The following NLE1 variants were observed in gnomAD, a reference collection of about 807,000 sequenced individuals.
NLE1 encodes notchless protein homolog 1.
In NLE1, 37 loss-of-function variants were observed where a neutral mutation model predicts 62.8. That is an observed-to-expected ratio of 0.59 (90% CI 0.45 to 0.78). NLE1 has a LOEUF of 0.78. NLE1 is among the 30% of genes least tolerant of loss of function. The probability of loss-of-function intolerance (pLI) is 0.00; values close to 1 mark genes in which losing one functional copy is unlikely to be tolerated. For missense variants in NLE1, 555 were observed against 637.9 expected, an observed-to-expected ratio of 0.87 and a Z score of 1.40; for synonymous variants, 243 against 253.0, an observed-to-expected ratio of 0.96 and a Z score of 0.37.
Position 35,133,504 on chromosome 17 carries a change from C to A in NLE1, c.1215-6G>T. 6.2e-7 allele frequency: 1 copy of A among 1,607,770 alleles called. No homozygotes were observed. Among genetic ancestry groups the A allele is most frequent in the South Asian group, 1.1e-5 (1 of 90,432 alleles). On this transcript the variant is annotated splice_polypyrimidine_tract_variant and splice_region_variant and intron_variant, in intron 10 of 12. Coordinates refer to ENST00000442241, the MANE Select transcript of NLE1 (RefSeq NM_018096.5). ...CGCGTAGGGAAGCCAGGTACCTGGTCCAGGAGAAGACGATGATGGATTTTA... is the reference window on the plus strand; with the variant it reads ...CGCGTAGGGAAGCCAGGTACCTGGTACAGGAGAAGACGATGATGGATTTTA...
intron 9 of NLE1, among the ~76,000 whole-genome samples, chr17:35,135,682 A>G (rs1405348302): frequency 6.6e-6 from 1 of 152,220 alleles, no homozygotes; most frequent in Non-Finnish European, 1.5e-5. Context: ...AAATTTTAAG[A>G]TACATAATTA....
chr17:35,142,126 C>G lies in NLE1; in HGVS notation c.19-4G>C. On this transcript the variant is annotated splice_polypyrimidine_tract_variant and splice_region_variant and intron_variant, in intron 1 of 12. Transcript: ENST00000442241. ...CATCGCGCGCCACCGCCTCGTCCTG[C>G]GCGAGCAAGTGGGGCGGGAGTCAGT... 1 of 1,610,530 alleles carries G rather than the reference C, an allele frequency of 6.2e-7. No individual in the cohort carries two copies. The highest frequency in any genetic ancestry group is 8.5e-7 in the Non-Finnish European group (1 of 1,179,010).
Position 35,137,603 on chromosome 17 carries a change from C to T in NLE1, c.575G>A (p.Gly192Asp), listed in dbSNP as rs1370945078. 6.2e-7 allele frequency: 1 copy of T among 1,610,704 alleles called. No individual in the cohort carries two copies. Among genetic ancestry groups the T allele is most frequent in the Non-Finnish European group, 8.5e-7 (1 of 1,179,950 alleles). The change falls in exon 6 of 13, where the codon GGC becomes GAC. Residue 192 changes from glycine to aspartate, a missense_variant. By Grantham distance (94) the Gly-to-Asp change is moderately conservative (BLOSUM62 -1). Transcript: ENST00000442241. ...LWDPSTGKQV[G>D]RTLAGHSKWI... Reference sequence around the variant, plus strand: ...CTTGCTGTGGCCAGCGAGGGTCCTGCCCACCTGCTTCCCTGTGCTTGGGTC... The same window carrying T: ...CTTGCTGTGGCCAGCGAGGGTCCTGTCCACCTGCTTCCCTGTGCTTGGGTC...
At position 35,139,307 on chromosome 17, in the gene NLE1, C is replaced by G. The variant is rs2091928502; in HGVS notation, c.388G>C (p.Ala130Pro). ...ACGGTGGTGTCTCCAGAGCCACTGG[C>G]CAGGTACCTGGGGAAGAAGAGAGGA... ...VAFSPTGKYL[A>P]SGSGDTTVRF... Residue 130 changes from alanine to proline, a missense_variant, in exon 4 of 13, where the codon GCC (alanine) becomes CCC (proline). Physicochemically the swap from Ala to Pro is conservative, Grantham distance 27. Transcript: ENST00000442241. The G allele has an allele frequency of 6.2e-7, 1 of 1,613,700 alleles. No individual in the cohort carries two copies. The highest frequency in any genetic ancestry group is 1.7e-5 in the Admixed American group (1 of 60,004).
rs2091913134 is a variant in NLE1, at chr17:35,137,008, G to C, written c.821C>G (p.Ala274Gly). The C allele has an allele frequency of 6.3e-7, 1 of 1,599,396 alleles. No homozygotes were observed. Among genetic ancestry groups the C allele is most frequent in the Non-Finnish European group, 8.6e-7 (1 of 1,168,952 alleles). Reference protein sequence around the residue: ...SQDRTIKVWRAHDGVLCRTLQ... With the variant: ...SQDRTIKVWRGHDGVLCRTLQ... Reference sequence around the variant, plus strand: ...AACCCTCCCAGCACTTACGTCATGAGCTCTCCAGACTTTGATGGTGCGGTC... The same window carrying C: ...AACCCTCCCAGCACTTACGTCATGACCTCTCCAGACTTTGATGGTGCGGTC... Residue 274 changes from alanine to glycine, a missense_variant, in exon 7 of 13, where the codon GCT becomes GGT. Physicochemically the swap from Ala to Gly is moderately conservative, Grantham distance 60 (BLOSUM62 0). Transcript: ENST00000442241.
rs746857060 is a variant in NLE1, at chr17:35,129,429, G to C, written c.*3008C>G. On this transcript the variant is annotated 3_prime_UTR_variant, in exon 13 of 13. Coordinates refer to ENST00000442241, the MANE Select transcript of NLE1 (RefSeq NM_018096.5). Reference sequence around the variant, plus strand: ...GGCTCTCTCTTCCCCTAGATTTCCTGGACCTACGCCTTGGGCAAGCAGCCG... The same window carrying C: ...GGCTCTCTCTTCCCCTAGATTTCCTCGACCTACGCCTTGGGCAAGCAGCCG... 21 of 1,613,346 alleles carry C rather than the reference G, an allele frequency of 1.3e-5. No homozygotes were observed. The South Asian group carries it at 1.5e-4, about 12-fold the overall frequency.
chr17:35,133,016 T>A (rs377331595), intron 12 of NLE1, among the ~76,000 whole-genome samples, 155 bp downstream of exon 12: 4 of 152,116 alleles, frequency 2.6e-5, no homozygotes, highest in African/African-American at 9.7e-5. Flanking sequence ...GCCCTCCCAC[T>A]TGCCCACTGA....
rs1191884014 is a variant in NLE1 at position 35,137,202 on chromosome 17, A to G, written c.636-9T>C. ...AGCGGCACTCAGGGTTCCTGGAGAGAAGGGAGATGTGACCTCATCTGTGAC... is the reference window on the plus strand; with the variant it reads ...AGCGGCACTCAGGGTTCCTGGAGAGGAGGGAGATGTGACCTCATCTGTGAC... On this transcript the variant is annotated splice_polypyrimidine_tract_variant and intron_variant, in intron 6 of 12. Coordinates refer to ENST00000442241, the MANE Select transcript of NLE1 (RefSeq NM_018096.5). 6.3e-7 allele frequency: 1 copy of G among 1,598,546 alleles called. No homozygotes were observed. The highest frequency in any genetic ancestry group is 2.2e-5 in the East Asian group (1 of 44,462).
In NLE1 at chr17:35,130,509, C is replaced by A; in HGVS notation, c.*1928G>T. 3 of 1,474,292 alleles carry A rather than the reference C, an allele frequency of 2.0e-6. No homozygotes were observed. The highest frequency in any genetic ancestry group is 2.8e-6 in the Non-Finnish European group (3 of 1,078,332). 91.3% of individuals were successfully genotyped at this position (1,474,292 alleles called of 1,614,324 possible). On this transcript the variant is annotated 3_prime_UTR_variant, in exon 13 of 13. Coordinates refer to ENST00000442241, the MANE Select transcript of NLE1 (RefSeq NM_018096.5). ...GCCCTCAGAAACCAGAGCCATGAGACCTACCATACCACCAGCACCCTGCGG... is the reference window on the plus strand; with the variant it reads ...GCCCTCAGAAACCAGAGCCATGAGAACTACCATACCACCAGCACCCTGCGG...
chr17:35,140,192 C>G (rs1350975022), intron 2 of NLE1, 126 bp from the exon 3 acceptor site: 1 of 1,005,844 alleles, frequency 9.9e-7, no homozygotes, highest in Non-Finnish European at 1.4e-6. Flanking sequence ...GCTAGGGATA[C>G]CCCCATCATT....
Position 35,133,333 on chromosome 17 carries a change from C to T in NLE1, c.1374+6G>A. ...AGTCCCTCCTTTGCCTGAGGGTTGGCCCTACCTCATCCGCGTGGCCGGGCA... is the reference window on the plus strand; with the variant it reads ...AGTCCCTCCTTTGCCTGAGGGTTGGTCCTACCTCATCCGCGTGGCCGGGCA... On this transcript the variant is annotated splice_donor_region_variant and intron_variant, in intron 11 of 12. Coordinates refer to ENST00000442241, the MANE Select transcript of NLE1 (RefSeq NM_018096.5). 1 of 1,614,204 alleles carries T rather than the reference C, an allele frequency of 6.2e-7. No individual in the cohort carries two copies. The highest frequency in any genetic ancestry group is 8.5e-7 in the Non-Finnish European group (1 of 1,180,024).
chr17:35,129,303 C>A lies in NLE1; in HGVS notation c.*3134G>T. On this transcript the variant is annotated 3_prime_UTR_variant, in exon 13 of 13. Transcript: ENST00000442241. ...TACCTTGCACCTTCCATCTGACCTGCCTGGGCCCCAGCAGGAGCAGGGGAT... is the reference window on the plus strand; with the variant it reads ...TACCTTGCACCTTCCATCTGACCTGACTGGGCCCCAGCAGGAGCAGGGGAT... The A allele has an allele frequency of 1.5e-6, 2 of 1,343,054 alleles. No individual in the cohort carries two copies. The highest frequency in any genetic ancestry group is 2.1e-6 in the Non-Finnish European group (2 of 971,532). The allele number at this position is 1,343,054 out of a possible 1,614,324, so 83.2% of individuals were successfully genotyped here.
At chr17:35,136,609 A>G in intron 7 of NLE1, 112 bp from the exon 8 acceptor site, 1 of 1,355,540 alleles carries the variant, frequency 7.4e-7, no homozygotes, top group Admixed American at 2.4e-5. Flanking sequence ...ATGCATTGTG[A>G]TCTTAATCAA....
intron 10 of NLE1, among the ~76,000 whole-genome samples, chr17:35,134,248 G>T (rs2091895175): frequency 6.6e-6 from 1 of 152,186 alleles, no homozygotes; most frequent in Non-Finnish European, 1.5e-5. Context: ...CCCAGGTGAT[G>T]CTGATGCCGC....
At position 35,132,398 on chromosome 17, in the gene NLE1, C is replaced by A; in HGVS notation, c.*39G>T. The A allele has an allele frequency of 6.9e-7, 1 of 1,439,842 alleles. No individual in the cohort carries two copies. The highest frequency in any genetic ancestry group is 9.2e-7 in the Non-Finnish European group (1 of 1,091,274). 89.2% of individuals were successfully genotyped at this position (1,439,842 alleles called of 1,614,324 possible). Reference sequence around the variant, plus strand: ...TGGCAGGGAAGGCAGCTGGCAGAGGCCGAGTCGAGGTGGGGGTCAGAGAGA... The same window carrying A: ...TGGCAGGGAAGGCAGCTGGCAGAGGACGAGTCGAGGTGGGGGTCAGAGAGA... On this transcript the variant is annotated 3_prime_UTR_variant, in exon 13 of 13. Transcript: ENST00000442241.
chr17:35,138,986 T>G (rs533875636), intron 4 of NLE1, among the ~76,000 whole-genome samples: 30 of 151,930 alleles, frequency 2.0e-4, no homozygotes, highest in Non-Finnish European at 1.9e-4. Context: ...ATTAAGGGGT[T>G]GTAATCTGCA....
In NLE1 at chr17:35,129,713, A is replaced by G. The variant is rs62062406; in HGVS notation, c.*2724T>C. 12 of 1,582,914 alleles carry G rather than the reference A, an allele frequency of 7.6e-6. No homozygotes were observed. The highest frequency in any genetic ancestry group is 1.0e-5 in the Non-Finnish European group (12 of 1,165,124). On this transcript the variant is annotated 3_prime_UTR_variant, in exon 13 of 13. Coordinates refer to ENST00000442241, the MANE Select transcript of NLE1 (RefSeq NM_018096.5). The stretch of plus-strand genomic sequence containing the variant: ...GGTGGAGAGAAGTCCAAAGCCAGGG[A>G]ACCAGGGCTTTGGAGGTTGGGAACA...
In NLE1 at chr17:35,131,590, C is replaced by T. The variant is rs1016562870; in HGVS notation, c.*847G>A. ...CTCAGAGCTCATACTGCTGCCTCCC[C>T]ATCTGAGGGAATCCTCTGGAAGAGC... On this transcript the variant is annotated 3_prime_UTR_variant, in exon 13 of 13. Transcript: ENST00000442241. 7.9e-5 allele frequency: 12 copies of T among 152,318 alleles called. No individual in the cohort carries two copies. The highest frequency in any genetic ancestry group is 2.1e-4 in the South Asian group (1 of 4,836). The allele number at this position is 152,318 out of a possible 1,614,324, so 9.4% of individuals were successfully genotyped here.
chr17:35,136,061 AG>A, intron 9 of NLE1, 107 bp downstream of exon 9: 2 of 1,030,104 alleles, frequency 1.9e-6, no homozygotes, highest in Non-Finnish European at 2.9e-6. Context: ...TTTTTGGAAT[AG>A]GTACATTCTG....
Sources: gnomAD v4.1 joint callset for allele counts (sites outside exome capture counted in the v4.1 genomes callset) on GRCh38, gnomAD v4.1.1 for gene constraint, MANE v1.5 for transcripts, NCBI Gene and HGNC (gene_info 2026-07-23, HGNC 2026-07-21) for gene names.